FAM227B: variants seen among roughly 807,000 people sequenced by gnomAD.
FAM227B encodes the protein family with sequence similarity 227 member B.
FAM227B carries 88 observed loss-of-function variants against 73.8 expected under a neutral mutation model. That is an observed-to-expected ratio of 1.19 (90% CI 1.00 to 1.42). FAM227B has a LOEUF of 1.42. FAM227B is among the 40% of genes most tolerant of loss of function. The probability of loss-of-function intolerance (pLI) is 0.00; values close to 1 mark genes in which losing one functional copy is unlikely to be tolerated. For synonymous variants in FAM227B, 210 were observed against 190.5 expected (o/e 1.10, Z -0.84); for missense variants, 632 against 590.9 (o/e 1.07, Z -0.72).
intron 11 of FAM227B, among the ~76,000 whole-genome samples, chr15:49,393,033 C>T (rs1321717149): frequency 6.6e-6 from 1 of 152,054 alleles, no homozygotes; most frequent in Non-Finnish European, 1.5e-5. Flanking sequence ...AAAAGAGGAG[C>T]AAAGGAGTAC....
chr15:49,483,203 G>A (rs2056110047), intron 11 of FAM227B: 9 of 1,592,206 alleles, frequency 5.7e-6, no homozygotes, highest in Non-Finnish European at 7.7e-6. Context: ...TCAAAGGGGT[G>A]GAAAGTGAAT....
rs2074014864 is a variant in FAM227B at position 49,559,056 on chromosome 15, A to G, written c.747+9189T>C. Among the ~76,000 whole-genome samples the G allele has an allele frequency of 3.9e-5, 6 of 152,176 alleles. No homozygotes were observed. The South Asian group carries it at 1.2e-3, about 32-fold the overall frequency. On this transcript the variant is annotated intron_variant, in intron 9 of 15. Coordinates refer to ENST00000299338, the MANE Select transcript of FAM227B (RefSeq NM_152647.3). The stretch of plus-strand genomic sequence containing the variant: ...TGAAACCACTCCCACAGAGAGTCAC[A>G]AAACAGGCATTTACTGTGGCTCTCA...
chr15:49,618,956 G>C (rs1453251279), intron 1 of FAM227B, among the ~76,000 whole-genome samples: 1 of 152,168 alleles, frequency 6.6e-6, no homozygotes, highest in Admixed American at 6.5e-5. Flanking sequence ...GGCAGTTAAA[G>C]TGGGGGCCTT....
intron 13 of FAM227B, chr15:49,365,450 C>T: frequency 4.4e-6 from 4 of 909,276 alleles, no homozygotes; most frequent in Non-Finnish European, 7.4e-6. Context: ...ACAATAATGT[C>T]TCCAAAGCCC....
At chr15:49,506,343 G>A (rs2058581787) in intron 11 of FAM227B, among the ~76,000 whole-genome samples, 1 of 151,874 alleles carries the variant, frequency 6.6e-6, no homozygotes, top group South Asian at 2.1e-4. Flanking sequence ...CCTTAAAAAT[G>A]CAAAAACCAT....
chr15:49,514,425 T>C (rs2059243825), intron 10 of FAM227B, among the ~76,000 whole-genome samples: 1 of 152,130 alleles, frequency 6.6e-6, no homozygotes, highest in Non-Finnish European at 1.5e-5. Flanking sequence ...TAGGAATGCT[T>C]GTGATGTTTG....
At chr15:49,475,007 T>C (rs2055128154) in intron 11 of FAM227B, among the ~76,000 whole-genome samples, 1 of 151,392 alleles carries the variant, frequency 6.6e-6, no homozygotes, top group Non-Finnish European at 1.5e-5. Context: ...AAAGATAGAA[T>C]AAACTATATT....
chr15:49,546,772 T>C (rs947368014), intron 9 of FAM227B, among the ~76,000 whole-genome samples: 5 of 152,120 alleles, frequency 3.3e-5, no homozygotes, highest in African/African-American at 9.6e-5. Context: ...CCAAGAAATA[T>C]GGGACTATGT....
chr15:49,448,667 A>ATAT (rs2151872724), intron 11 of FAM227B, among the ~76,000 whole-genome samples: 1 of 151,198 alleles, frequency 6.6e-6, no homozygotes, highest in South Asian at 2.1e-4. Flanking sequence ...GAACATCCAC[A>ATAT]TATGTACATA....
chr15:49,422,541 G>A, intron 11 of FAM227B: 1 of 1,325,170 alleles, frequency 7.5e-7, no homozygotes, highest in Non-Finnish European at 9.8e-7. Flanking sequence ...TATATTAGTA[G>A]TGAGTATAAG....
At chr15:49,582,713 G>C (rs963853810) in intron 5 of FAM227B, among the ~76,000 whole-genome samples, 1 of 152,046 alleles carries the variant, frequency 6.6e-6, no homozygotes, top group African/African-American at 2.4e-5. Context: ...CTCTAAACTT[G>C]ATCACATAAT....
At chr15:49,478,755 T>G (rs143936584) in intron 11 of FAM227B, among the ~76,000 whole-genome samples, 1,629 of 152,234 alleles carry the variant, frequency 0.011, 32 homozygotes, top group African/African-American at 0.034. Context: ...AAGCTTTAAA[T>G]GTTTCAGGAA....
In FAM227B at chr15:49,521,624, C is replaced by T. The variant is rs532857902; in HGVS notation, c.875-13276G>A. On this transcript the variant is annotated intron_variant, in intron 10 of 15. Coordinates refer to ENST00000299338, the MANE Select transcript of FAM227B (RefSeq NM_152647.3). ...ACAAAGGGAGGGCTTATCTCCCCTTCCTGCAAAAGAGTGCAGACCAGCTGC... is the reference window on the plus strand; with the variant it reads ...ACAAAGGGAGGGCTTATCTCCCCTTTCTGCAAAAGAGTGCAGACCAGCTGC... Among the ~76,000 whole-genome samples the T allele has an allele frequency of 3.3e-5, 5 of 152,300 alleles. No individual in the cohort carries two copies. In the East Asian group the frequency reaches 9.7e-4, roughly 29 times the overall value.
chr15:49,479,942 G>C (rs1330483830), intron 11 of FAM227B, among the ~76,000 whole-genome samples: 1 of 152,090 alleles, frequency 6.6e-6, no homozygotes, highest in Non-Finnish European at 1.5e-5. Flanking sequence ...AAATATTTGT[G>C]CATATTGAAA....
At position 49,473,036 on chromosome 15, in the gene FAM227B, T is replaced by C. The variant is rs545690547; in HGVS notation, c.1012+35175A>G. On this transcript the variant is annotated intron_variant, in intron 11 of 15. Coordinates refer to ENST00000299338, the MANE Select transcript of FAM227B (RefSeq NM_152647.3). ...TAAGCAATTGTATGTGGACCACTCA[T>C]GTTTCCAAAGGTACTTGGGGGATTA... 1.3e-4 allele frequency among the ~76,000 whole-genome samples: 20 copies of C among 152,324 alleles called. No homozygotes were observed. In the East Asian group the frequency reaches 3.9e-3, roughly 29 times the overall value.
At chr15:49,390,461 GCA>G (rs1280076833) in intron 11 of FAM227B, among the ~76,000 whole-genome samples, 1 of 152,026 alleles carries the variant, frequency 6.6e-6, no homozygotes, top group Non-Finnish European at 1.5e-5. Flanking sequence ...TACTTGATGT[GCA>G]CATTGTTTTG....
intron 10 of FAM227B, among the ~76,000 whole-genome samples, chr15:49,531,501 A>G (rs2060606216): frequency 6.6e-6 from 1 of 152,034 alleles, no homozygotes; most frequent in Non-Finnish European, 1.5e-5. Flanking sequence ...TCAAAATTCC[A>G]TTTCTGAATA....
intron 11 of FAM227B, among the ~76,000 whole-genome samples, chr15:49,419,771 TA>T (rs768660565): frequency 3.3e-5 from 5 of 151,960 alleles, no homozygotes; most frequent in Non-Finnish European, 7.4e-5. Flanking sequence ...TTTTTATTAT[TA>T]TTATTTTTTT....
At chr15:49,598,705 T>C (rs1186492737) in intron 3 of FAM227B, among the ~76,000 whole-genome samples, 1 of 152,088 alleles carries the variant, frequency 6.6e-6, no homozygotes, top group Non-Finnish European at 1.5e-5. Context: ...TCTGTTGAGC[T>C]GATAATAATT....
Sources: gnomAD v4.1 joint callset for allele counts (sites outside exome capture counted in the v4.1 genomes callset) on GRCh38, gnomAD v4.1.1 for gene constraint, MANE v1.5 for transcripts, NCBI Gene and HGNC (gene_info 2026-07-23, HGNC 2026-07-21) for gene names.